Variants in PWWP3B observed in about 807,000 individuals in gnomAD.
PWWP3B encodes PWWP domain-containing DNA repair factor 3B.
In PWWP3B, 5 loss-of-function variants were observed where a neutral mutation model predicts 15.7. The observed-to-expected ratio is 0.32, with a 90% CI of 0.17 to 0.67. The LOEUF is 0.67. PWWP3B is among the 30% of genes least tolerant of loss of function. PWWP3B has a pLI of 0.74. For synonymous variants in PWWP3B, 203 were observed against 179.8 expected (o/e 1.13, Z -1.03); for missense variants, 519 against 493.1 (o/e 1.05, Z -0.50).
chrX:106,173,349 C>T lies in PWWP3B; in HGVS notation c.-401+2210C>T, dbSNP rs145917571. 3.0e-3 allele frequency among the ~76,000 whole-genome samples: 336 copies of T among 111,913 alleles called. 1 individual carries two copies. The highest frequency in any genetic ancestry group is 0.01 in the African/African-American group (311 of 30,809). On this transcript the variant is annotated intron_variant, in intron 2 of 3. Coordinates refer to ENST00000357175, the MANE Select transcript of PWWP3B (RefSeq NM_001171020.2). ...TTTTATTACACAACAGAGAAAATAA[C>T]GATGGGATATTGGGTTTGTGTTATA...
At chrX:106,174,864 A>G (rs1456882568) in intron 2 of PWWP3B, among the ~76,000 whole-genome samples, 1 of 110,226 alleles carries the variant, frequency 9.1e-6, no homozygotes, top group Non-Finnish European at 1.9e-5. Flanking sequence ...GCTGGCCAAC[A>G]TGGTGAAACC....
chrX:106,189,985 A>G (rs1014908594), intron 2 of PWWP3B, among the ~76,000 whole-genome samples: 6 of 112,409 alleles, frequency 5.3e-5, no homozygotes, highest in African/African-American at 1.9e-4. Flanking sequence ...GCTATTGTGA[A>G]TAGTGCCACT....
chrX:106,171,652 G>C (rs1921623218), intron 2 of PWWP3B, among the ~76,000 whole-genome samples: 1 of 110,874 alleles, frequency 9.0e-6, no homozygotes. Flanking sequence ...CACGAACTTA[G>C]ATGGTATAGC....
intron 2 of PWWP3B, chrX:106,177,166 A>G (rs1018580646): frequency 8.8e-6 from 1 of 113,037 alleles, no homozygotes; most frequent in Non-Finnish European, 1.9e-5. Context: ...TTTAAAAATG[A>G]TGATCTTTTC....
intron 2 of PWWP3B, among the ~76,000 whole-genome samples, chrX:106,200,510 ATGAG>A (rs1371066493): frequency 2.7e-5 from 3 of 111,214 alleles, no homozygotes; most frequent in Non-Finnish European, 5.6e-5. Flanking sequence ...TTATATATAT[ATGAG>A]TAATACTACA....
chrX:106,203,019 G>T (rs1258154154), intron 2 of PWWP3B, among the ~76,000 whole-genome samples: 1 of 111,204 alleles, frequency 9.0e-6, no homozygotes, highest in Non-Finnish European at 1.9e-5. Context: ...TGAGATAAAT[G>T]CTACAGGCTT....
intron 2 of PWWP3B, among the ~76,000 whole-genome samples, chrX:106,180,435 C>T (rs1299768560): frequency 3.6e-5 from 4 of 111,898 alleles, no homozygotes; most frequent in Non-Finnish European, 7.5e-5. Flanking sequence ...TTCTCCATTT[C>T]CATTGTCCAT....
chrX:106,188,644 A>G (rs1433987978), intron 2 of PWWP3B, among the ~76,000 whole-genome samples: 1 of 112,241 alleles, frequency 8.9e-6, no homozygotes, highest in Non-Finnish European at 1.9e-5. Context: ...TTACTCCAAA[A>G]TGTTCCCTCC....
In PWWP3B at chrX:106,206,614, G is replaced by A; in HGVS notation, c.1182G>A (p.Met394Ile). 1.7e-6 allele frequency: 2 copies of A among 1,210,192 alleles called. No homozygotes were observed. The highest frequency in any genetic ancestry group is 1.8e-5 in the South Asian group (1 of 56,659). ...AGACACATCCGTTTGAAACAGGAAT[G>A]ATAGTCTGGTTTAAATATCAGAAAT... is the stretch of plus-strand genomic sequence containing the variant. ...HYETHPFETG[M>I]IVWFKYQKYP... The change falls in exon 4 of 4, where the codon ATG becomes ATA. Residue 394 changes from methionine (M) to isoleucine (I), a missense_variant. Coordinates refer to ENST00000357175, the MANE Select transcript of PWWP3B (RefSeq NM_001171020.2).
Position 106,205,418 on chromosome X carries a change from C to G in PWWP3B, c.-15C>G. 9.0e-7 allele frequency: 1 copy of G among 1,115,475 alleles called. No homozygotes were observed. Among genetic ancestry groups the G allele is most frequent in the Non-Finnish European group, 1.2e-6 (1 of 849,798 alleles). 91.9% of individuals were successfully genotyped at this position (1,115,475 alleles called of 1,213,427 possible). On this transcript the variant is annotated 5_prime_UTR_variant, in exon 4 of 4. Coordinates refer to ENST00000357175, the MANE Select transcript of PWWP3B (RefSeq NM_001171020.2). ...ACCTTTGGTAATAACCCTTGGCACA[C>G]AAATATAAACCATAATGGAGTCTGA...
At chrX:106,174,985 G>C (rs1405802350) in intron 2 of PWWP3B, among the ~76,000 whole-genome samples, 1 of 103,849 alleles carries the variant, frequency 9.6e-6, no homozygotes, top group African/African-American at 3.6e-5. Flanking sequence ...GAGGCAGAGT[G>C]AGCTGAGATC....
chrX:106,186,403 T>A (rs1312669222), intron 2 of PWWP3B, among the ~76,000 whole-genome samples: 2 of 111,485 alleles, frequency 1.8e-5, no homozygotes, highest in Non-Finnish European at 3.8e-5. Context: ...CTGACACCCA[T>A]GTCTTTAGTC....
At chrX:106,204,880 C>T (rs1923900978) in intron 3 of PWWP3B, among the ~76,000 whole-genome samples, 1 of 111,371 alleles carries the variant, frequency 9.0e-6, no homozygotes, top group African/African-American at 3.3e-5. Context: ...ATAAGTATGA[C>T]ATTAGGGACA....
In PWWP3B at chrX:106,169,761, T is replaced by G. The variant is rs149757817; in HGVS notation, c.-528-1251T>G. Among the ~76,000 whole-genome samples the G allele has an allele frequency of 1.0e-3, 118 of 112,477 alleles. 2 individuals are homozygous for G. The East Asian group carries it at 0.03, about 29-fold the overall frequency. On this transcript the variant is annotated intron_variant, in intron 1 of 3. Coordinates refer to ENST00000357175, the MANE Select transcript of PWWP3B (RefSeq NM_001171020.2). ...GAATACTACGCAGCTGTAAAAGGAA[T>G]GAGTTAACTCTAAATGCAATGATTA... is the stretch of plus-strand genomic sequence containing the variant.
intron 2 of PWWP3B, among the ~76,000 whole-genome samples, chrX:106,196,859 A>C (rs1482520853): frequency 1.8e-5 from 2 of 111,784 alleles, no homozygotes; most frequent in Non-Finnish European, 3.8e-5. Context: ...GGCTTGCATA[A>C]CTTATATTAT....
At chrX:106,172,135 A>G (rs1318359130) in intron 2 of PWWP3B, among the ~76,000 whole-genome samples, 3 of 110,791 alleles carry the variant, frequency 2.7e-5, no homozygotes, top group Admixed American at 9.7e-5. Context: ...CCATGAATGG[A>G]GCTTGCAGGA....
intron 2 of PWWP3B, among the ~76,000 whole-genome samples, chrX:106,202,789 T>A (rs183433446): frequency 8.9e-6 from 1 of 111,969 alleles, no homozygotes; most frequent in Non-Finnish European, 1.9e-5. Flanking sequence ...GTGAAAAAAA[T>A]TATATAATAG....
intron 2 of PWWP3B, among the ~76,000 whole-genome samples, chrX:106,190,731 A>C (rs1384466250): frequency 8.9e-6 from 1 of 111,954 alleles, no homozygotes; most frequent in African/African-American, 3.3e-5. Context: ...ATAAGGTGTA[A>C]GGAAGGGATC....
chrX:106,180,956 G>A (rs1922160099), intron 2 of PWWP3B, among the ~76,000 whole-genome samples: 1 of 112,040 alleles, frequency 8.9e-6, no homozygotes, highest in South Asian at 3.7e-4. Context: ...CTCTATATCT[G>A]TTTATGAATT....
Sources: allele counts gnomAD v4.1 joint callset (sites outside exome capture counted in the v4.1 genomes callset), GRCh38; gene constraint gnomAD v4.1.1; transcripts MANE v1.5; gene names NCBI Gene and HGNC (gene_info 2026-07-23, HGNC 2026-07-21).